NAB1: variants seen among roughly 807,000 people sequenced by gnomAD.
NAB1 encodes the protein NGFI-A binding protein 1, also known as NGFI-A-binding protein 1.
A neutral mutation model predicts 49.9 loss-of-function variants in NAB1; 25 were observed. The ratio of observed to expected loss-of-function variants is 0.50; its 90% CI spans 0.37 to 0.70. The LOEUF is 0.70. Ranked by LOEUF, NAB1 falls within the 30% of genes least tolerant of loss-of-function variation. The pLI, the probability that NAB1 is intolerant of heterozygous loss-of-function variation, is 0.00. For missense variants in NAB1, 489 were observed against 575.9 expected (o/e 0.85, Z 1.54); for synonymous variants, 198 against 215.6 (o/e 0.92, Z 0.71).
At position 190,684,147 on chromosome 2, in the gene NAB1, T is replaced by C. The variant is rs972361199; in HGVS notation, c.1095+320T>C. Among the ~76,000 whole-genome samples, 7 of 152,226 alleles carry C rather than the reference T, an allele frequency of 4.6e-5. No individual in the cohort carries two copies. Among genetic ancestry groups the C allele is most frequent in the Non-Finnish European group, 7.3e-5 (5 of 68,032 alleles). On this transcript the variant is annotated intron_variant, in intron 7 of 9. Transcript: ENST00000337386. The surrounding 1 kb of genome is among the most constrained non-coding windows in gnomAD (Gnocchi z 4.6). ...CAGCCATGTTGACCATGGCTGTGTG[T>C]AATGCAACTCTGAGATAAAATAATA...
rs1397182476 is a variant in NAB1, at chr2:190,676,817, T to C, written c.1005+3665T>C. ...TTCTCTTTTTTCAAATCTTTAAGTG[T>C]TCTAAAATCCTTTATAACAATAAGC... is the stretch of plus-strand genomic sequence containing the variant. On this transcript the variant is annotated intron_variant, in intron 6 of 9. Transcript: ENST00000337386. The surrounding 1 kb of genome is among the most constrained non-coding windows in gnomAD (Gnocchi z 4.6). The C allele has an allele frequency of 6.6e-6, 1 of 152,236 alleles. No individual in the cohort carries two copies. The highest frequency in any genetic ancestry group is 1.5e-5 in the Non-Finnish European group (1 of 68,044). The allele number at this position is 152,236 out of a possible 1,614,324, so 9.4% of individuals were successfully genotyped here.
In NAB1 at chr2:190,649,179, GC is replaced by G. The variant is rs1488123327; in HGVS notation, c.-512del. On this transcript the variant is annotated 5_prime_UTR_variant, in exon 1 of 10. Coordinates refer to ENST00000337386, the MANE Select transcript of NAB1 (RefSeq NM_005966.4). The surrounding 1 kb of genome is among the most constrained non-coding windows in gnomAD (Gnocchi z 6.1). Reference sequence around the variant, plus strand: ...GCGGGTGGGCGGGAAGAAGCGGCGGGCCCGAGGTGGGGGGGAGCAGAGAGAG... The same window carrying G: ...GCGGGTGGGCGGGAAGAAGCGGCGGGCCGAGGTGGGGGGGAGCAGAGAGAG... 1.1e-4 allele frequency: 16 copies of G among 149,934 alleles called. No individual in the cohort carries two copies. Among genetic ancestry groups the G allele is most frequent in the Non-Finnish European group, 2.1e-4 (14 of 66,728 alleles). The allele number at this position is 149,934 out of a possible 1,614,324, so 9.3% of individuals were successfully genotyped here.
intron 3 of NAB1, among the ~76,000 whole-genome samples, chr2:190,658,268 A>G (rs777505503): frequency 1.3e-5 from 2 of 152,000 alleles, no homozygotes; most frequent in African/African-American, 4.8e-5. Context: ...CTAGTCTATT[A>G]TTTTGCATGC....
chr2:190,671,330 T>C (rs1043828705), intron 5 of NAB1, among the ~76,000 whole-genome samples: 1 of 152,230 alleles, frequency 6.6e-6, no homozygotes, highest in African/African-American at 2.4e-5. Context: ...ACCAGCACTA[T>C]AGGCATTTGC....
Position 190,670,349 on chromosome 2 carries a change from T to C in NAB1, c.843T>C (p.Ala281=), listed in dbSNP as rs144184792. ...AGCTCACTGTTAATGAAGCGGCTGCTCAACTCTGTGTGAAGGATAATGCCC... is the reference window on the plus strand; with the variant it reads ...AGCTCACTGTTAATGAAGCGGCTGCCCAACTCTGTGTGAAGGATAATGCCC... ...LHELTVNEAA[A]QLCVKDNALL... is the part of the protein sequence containing the mutation. Residue 281 remains alanine, a synonymous_variant, in exon 5 of 10, where the codon GCT becomes GCC. Transcript: ENST00000337386. This position sits in a 1 kb window ranked among gnomAD's most constrained non-coding sequence, Gnocchi z 5.3. 1.5e-4 allele frequency: 246 copies of C among 1,613,500 alleles called. No individual in the cohort carries two copies. Among genetic ancestry groups the C allele is most frequent in the Non-Finnish European group, 2.0e-4 (236 of 1,179,824 alleles).
At position 190,658,832 on chromosome 2, in the gene NAB1, C is replaced by T. The variant is rs139705330; in HGVS notation, c.-19-326C>T. 6.6e-5 allele frequency among the ~76,000 whole-genome samples: 10 copies of T among 152,346 alleles called. No homozygotes were observed. In the East Asian group the frequency reaches 7.7e-4, roughly 12 times the overall value. On this transcript the variant is annotated intron_variant, in intron 3 of 9. Transcript: ENST00000337386. ...TGCTAAATTTGACTATCTTTCACTC[C>T]ACCTGCGTCCAAACCTTGGCAGTAG...
In NAB1 at chr2:190,659,777, G is replaced by T; in HGVS notation, c.601G>T (p.Glu201Ter). The change falls in exon 4 of 10, where the codon GAG becomes TAG. Residue 201 changes from glutamate to a stop codon, truncating the protein, a stop_gained. Coordinates refer to ENST00000337386, the MANE Select transcript of NAB1 (RefSeq NM_005966.4). LOFTEE classifies it high-confidence loss of function. The surrounding 1 kb of genome is among the most constrained non-coding windows in gnomAD (Gnocchi z 6.2). The stretch of plus-strand genomic sequence containing the variant: ...TGCTGCTGCTGCGCTCTCTGTGGCT[G>T]AGTGTGTGGAGCGGATGGCCCCCAC... ...LDAAAALSVA[E>*]CVERMAPTLP... The T allele has an allele frequency of 6.2e-7, 1 of 1,614,134 alleles. No individual in the cohort carries two copies. Among genetic ancestry groups the T allele is most frequent in the Non-Finnish European group, 8.5e-7 (1 of 1,179,998 alleles).
Position 190,657,460 on chromosome 2 carries a change from T to TC in NAB1, c.-20+1309dup, listed in dbSNP as rs1693981638. Among the ~76,000 whole-genome samples the TC allele has an allele frequency of 3.9e-5, 6 of 152,294 alleles. No homozygotes were observed. The highest frequency in any genetic ancestry group is 3.3e-4 in the Admixed American group (5 of 15,296). On this transcript the variant is annotated intron_variant, in intron 3 of 9. Transcript: ENST00000337386. The surrounding 1 kb of genome is among the most constrained non-coding windows in gnomAD (Gnocchi z 4.4). ...TCATATTTGCCTAATCATGGAAGTCTCCTGAGATGCATCTCAGGCACCTGG... is the reference window on the plus strand; with the variant it reads ...TCATATTTGCCTAATCATGGAAGTCTCCCTGAGATGCATCTCAGGCACCTGG...
intron 4 of NAB1, among the ~76,000 whole-genome samples, chr2:190,661,471 A>T (rs1694222457): frequency 6.6e-6 from 1 of 152,208 alleles, no homozygotes; most frequent in African/African-American, 2.4e-5. Context: ...TAATTTTTAA[A>T]ACATAGCAGA....
chr2:190,650,114 C>T (rs1283868409), intron 2 of NAB1, 132 bp downstream of exon 2: 1 of 152,084 alleles, frequency 6.6e-6, no homozygotes, highest in African/African-American at 2.4e-5. Flanking sequence ...TGCAGGATCT[C>T]GGGGAAAGGG....
intron 6 of NAB1, among the ~76,000 whole-genome samples, chr2:190,673,700 A>G (rs1694934638): frequency 6.6e-6 from 1 of 152,228 alleles, no homozygotes; most frequent in African/African-American, 2.4e-5. Context: ...GGGAAATGAT[A>G]ATTTAGTAGC....
intron 2 of NAB1, among the ~76,000 whole-genome samples, chr2:190,650,990 A>T (rs959344533): frequency 6.6e-6 from 1 of 152,166 alleles, no homozygotes; most frequent in Non-Finnish European, 1.5e-5. Flanking sequence ...ACCATTTTGC[A>T]CTAAAGTTAA....
At chr2:190,653,419 TG>T (rs1214042667) in intron 2 of NAB1, among the ~76,000 whole-genome samples, 2 of 152,262 alleles carry the variant, frequency 1.3e-5, no homozygotes, top group African/African-American at 4.8e-5. Flanking sequence ...TTTGTAAGTC[TG>T]TAAGAGGTTG....
rs767640681 is a variant in NAB1, at chr2:190,683,297, A to ATTTTTTT, written c.1006-419_1006-413dup. Among the ~76,000 whole-genome samples, 18 of 76,140 alleles carry ATTTTTTT rather than the reference A, an allele frequency of 2.4e-4. 6 individuals carry two copies. The highest frequency in any genetic ancestry group is 7.1e-4 in the African/African-American group (11 of 15,508). 50.0% of individuals were successfully genotyped at this position (76,140 alleles called of 152,430 possible). On this transcript the variant is annotated intron_variant, in intron 6 of 9. Coordinates refer to ENST00000337386, the MANE Select transcript of NAB1 (RefSeq NM_005966.4). Reference sequence around the variant, plus strand: ...TGGCGTGTGCTACCACTCCCAGCTAATTTTTTTTTTTTTTTTTTTTTTTTT... The same window carrying ATTTTTTT: ...TGGCGTGTGCTACCACTCCCAGCTAATTTTTTTTTTTTTTTTTTTTTTTTTTTTTTTT...
In NAB1 at chr2:190,692,308, C is replaced by T. The variant is rs775591749; in HGVS notation, c.*1975C>T. The T allele has an allele frequency of 6.6e-6, 1 of 152,450 alleles. No individual in the cohort carries two copies. The highest frequency in any genetic ancestry group is 6.6e-5 in the Admixed American group (1 of 15,262). 9.4% of individuals were successfully genotyped at this position (152,450 alleles called of 1,614,324 possible). A position where few individuals can be genotyped will look rare whatever the true frequency, so the allele number is the denominator to read the frequency against. On this transcript the variant is annotated 3_prime_UTR_variant, in exon 10 of 10. Transcript: ENST00000337386. This position sits in a 1 kb window ranked among gnomAD's most constrained non-coding sequence, Gnocchi z 5.2. ...CAATTTTAAAAGATGCAGTAATCTT[C>T]CAACTTCCAATATTTATCCATTCGT...
intron 8 of NAB1, 71 bp from the exon 9 acceptor site, chr2:190,687,130 C>T: frequency 3.1e-6 from 3 of 982,600 alleles, no homozygotes; most frequent in Non-Finnish European, 4.3e-6. Flanking sequence ...AGTGTTCAGG[C>T]AAAATTTATT....
chr2:190,668,245 T>C lies in NAB1; in HGVS notation c.820-2081T>C, dbSNP rs1374151208. On this transcript the variant is annotated intron_variant, in intron 4 of 9. Transcript: ENST00000337386. ...TACCCTGTGACCTAACTGGTCTATT[T>C]GTAGGAATTTATTGCAAAGAAATAA... is the stretch of plus-strand genomic sequence containing the variant. 1.8e-4 allele frequency among the ~76,000 whole-genome samples: 28 copies of C among 152,196 alleles called. 1 individual carries two copies. The highest frequency in any genetic ancestry group is 1.5e-5 in the Non-Finnish European group (1 of 68,014).
Position 190,654,927 on chromosome 2 carries a change from G to A in NAB1, c.-196-1050G>A, listed in dbSNP as rs372983859. ...GAAAGAACTAAGAGAGTTGGAAAGA[G>A]TAGACTTGGGAATCTGGAAGAAGGG... is the stretch of plus-strand genomic sequence containing the variant. On this transcript the variant is annotated intron_variant, in intron 2 of 9. Coordinates refer to ENST00000337386, the MANE Select transcript of NAB1 (RefSeq NM_005966.4). This position sits in a 1 kb window ranked among gnomAD's most constrained non-coding sequence, Gnocchi z 5.6. Among the ~76,000 whole-genome samples, 1 of 152,186 alleles carries A rather than the reference G, an allele frequency of 6.6e-6. No individual in the cohort carries two copies. The highest frequency in any genetic ancestry group is 2.4e-5 in the African/African-American group (1 of 41,454).
rs145174867 is a variant in NAB1 at position 190,677,919 on chromosome 2, G to T, written c.1005+4767G>T. 6.6e-6 allele frequency among the ~76,000 whole-genome samples: 1 copy of T among 152,158 alleles called. No homozygotes were observed. Among genetic ancestry groups the T allele is most frequent in the South Asian group, 2.1e-4 (1 of 4,830 alleles). On this transcript the variant is annotated intron_variant, in intron 6 of 9. Transcript: ENST00000337386. This position sits in a 1 kb window ranked among gnomAD's most constrained non-coding sequence, Gnocchi z 5.6. ...GGGTTATACCTTTCCTCCTAGTACC[G>T]TGTGAAGGGCGAAATGTGTGCAGGA...
Sources: allele counts gnomAD v4.1 joint callset (sites outside exome capture counted in the v4.1 genomes callset), GRCh38; gene constraint gnomAD v4.1.1; non-coding constraint Gnocchi (gnomAD v3.1); transcripts MANE v1.5; gene names NCBI Gene and HGNC (gene_info 2026-07-23, HGNC 2026-07-21).